Variants in DNM3 observed in about 807,000 individuals in gnomAD.
DNM3 encodes the protein dynamin 3.
A neutral mutation model predicts 101.6 loss-of-function variants in DNM3; 47 were observed. The observed-to-expected ratio is 0.46, with a 90% CI of 0.37 to 0.59. The LOEUF (loss-of-function observed/expected upper bound fraction) is 0.59, where lower values mean the gene tolerates loss of function less well. DNM3 is among the 20% of genes least tolerant of loss of function. DNM3 has a pLI of 0.00. For synonymous variants in DNM3, 385 were observed against 387.9 expected, an observed-to-expected ratio of 0.99 and a Z score of 0.09; for missense variants, 849 against 1,085.7, an observed-to-expected ratio of 0.78 and a Z score of 3.06.
Position 172,052,364 on chromosome 1 carries a change from T to A in DNM3, c.1335+3614T>A, listed in dbSNP as rs573536063. Among the ~76,000 whole-genome samples the A allele has an allele frequency of 8.5e-5, 13 of 152,114 alleles. No individual in the cohort carries two copies. The South Asian group carries it at 1.2e-3, about 15-fold the overall frequency. ...AATCATCATCTTCTCCATCACATTTTAAAAAATCAACATATAAATATATCT... is the reference window on the plus strand; with the variant it reads ...AATCATCATCTTCTCCATCACATTTAAAAAAATCAACATATAAATATATCT... On this transcript the variant is annotated intron_variant, in intron 10 of 20. Transcript: ENST00000627582.
chr1:172,340,297 T>C (rs1470266299), intron 17 of DNM3, among the ~76,000 whole-genome samples: 2 of 152,208 alleles, frequency 1.3e-5, no homozygotes, highest in Non-Finnish European at 2.9e-5. Flanking sequence ...TCCCTTGTAT[T>C]ATAAATGTAG....
chr1:171,863,361 A>C (rs1401307758), intron 1 of DNM3, among the ~76,000 whole-genome samples: 2 of 152,088 alleles, frequency 1.3e-5, no homozygotes, highest in African/African-American at 4.8e-5. Flanking sequence ...GGGAAGCTCC[A>C]GTTTAATGAA....
At chr1:172,199,981 G>T (rs2060094736) in intron 14 of DNM3, among the ~76,000 whole-genome samples, 1 of 151,970 alleles carries the variant, frequency 6.6e-6, no homozygotes, top group African/African-American at 2.4e-5. Flanking sequence ...AGGCTTGTTT[G>T]TGTGGTTGCT....
intron 13 of DNM3, among the ~76,000 whole-genome samples, chr1:172,105,323 T>G (rs2054932940): frequency 6.6e-6 from 1 of 152,226 alleles, no homozygotes; most frequent in Non-Finnish European, 1.5e-5. Context: ...GTAGTTTTCC[T>G]GTTTTATAAA....
intron 2 of DNM3, among the ~76,000 whole-genome samples, chr1:171,922,154 T>TGC (rs1553300972): frequency 3.6e-3 from 246 of 68,804 alleles, no homozygotes; most frequent in African/African-American, 0.014. Flanking sequence ...TGTGTGTGTG[T>TGC]GCGTATGTGT....
chr1:172,127,810 A>G (rs1244580960), intron 13 of DNM3, among the ~76,000 whole-genome samples: 2 of 152,148 alleles, frequency 1.3e-5, no homozygotes, highest in Non-Finnish European at 2.9e-5. Flanking sequence ...CAAAACAGCT[A>G]TCACTACCAT....
At chr1:171,990,398 T>A (rs908095184) in intron 4 of DNM3, among the ~76,000 whole-genome samples, 1 of 152,154 alleles carries the variant, frequency 6.6e-6, no homozygotes, top group African/African-American at 2.4e-5. Context: ...TTAGGAGACT[T>A]CCTCAACTGT....
rs1186130125 is a variant in DNM3 at position 171,871,785 on chromosome 1, A to T, written c.161+29968A>T. 2.6e-5 allele frequency among the ~76,000 whole-genome samples: 4 copies of T among 151,810 alleles called. No homozygotes were observed. The East Asian group carries it at 7.7e-4, about 29-fold the overall frequency. On this transcript the variant is annotated intron_variant, in intron 1 of 20. Coordinates refer to ENST00000627582, the MANE Select transcript of DNM3 (RefSeq NM_015569.5). ...AGATTCTGTGGGTTTAAGAGGTAGT[A>T]AATTATTTCTTTATTGGTTACTATA... is the stretch of plus-strand genomic sequence containing the variant.
chr1:171,968,215 T>G (rs1296160611), intron 2 of DNM3, among the ~76,000 whole-genome samples: 1 of 152,212 alleles, frequency 6.6e-6, no homozygotes, highest in African/African-American at 2.4e-5. Flanking sequence ...TTCTAATCAG[T>G]ATGATTCTGT....
rs7541934 is a variant in DNM3, at chr1:172,322,241, A to G, written c.1882-1088A>G. 9.8e-3 allele frequency among the ~76,000 whole-genome samples: 1,500 copies of G among 152,292 alleles called. 22 individuals are homozygous for G. Among genetic ancestry groups the G allele is most frequent in the African/African-American group, 0.034 (1,418 of 41,556 alleles). On this transcript the variant is annotated intron_variant, in intron 16 of 20. Transcript: ENST00000627582. Reference sequence around the variant, plus strand: ...CAACTTAAAACTAAATGCCAAATCTACAGCCAGACCTGTGACTCCGCCCTG... The same window carrying G: ...CAACTTAAAACTAAATGCCAAATCTGCAGCCAGACCTGTGACTCCGCCCTG...
intron 1 of DNM3, among the ~76,000 whole-genome samples, chr1:171,858,088 A>G (rs376022324): frequency 6.6e-6 from 1 of 152,286 alleles, no homozygotes; most frequent in African/African-American, 2.4e-5. Context: ...TAAGTGACCC[A>G]GCATGTGGTA....
At chr1:172,092,357 G>A (rs895907144) in intron 12 of DNM3, among the ~76,000 whole-genome samples, 1 of 152,176 alleles carries the variant, frequency 6.6e-6, no homozygotes, top group Admixed American at 6.5e-5. Context: ...CTTATTAGCT[G>A]AGTGATTTTG....
chr1:172,206,716 A>G (rs2060335439), intron 14 of DNM3, among the ~76,000 whole-genome samples: 1 of 152,094 alleles, frequency 6.6e-6, no homozygotes, highest in Non-Finnish European at 1.5e-5. Flanking sequence ...TAGTCTTCCT[A>G]TGGGCCTTTT....
chr1:172,146,152 C>A (rs1558639677), intron 14 of DNM3, among the ~76,000 whole-genome samples: 1 of 152,156 alleles, frequency 6.6e-6, no homozygotes, highest in Non-Finnish European at 1.5e-5. Context: ...CAAAGCAATT[C>A]ATTTCCACTG....
intron 14 of DNM3, among the ~76,000 whole-genome samples, chr1:172,191,316 A>G (rs2059714194): frequency 6.6e-6 from 1 of 152,224 alleles, no homozygotes; most frequent in African/African-American, 2.4e-5. Flanking sequence ...GTCAAAGATC[A>G]GATGATTGTA....
intron 4 of DNM3, among the ~76,000 whole-genome samples, chr1:172,025,995 AT>A (rs1185887848): frequency 2.6e-5 from 4 of 152,180 alleles, no homozygotes; most frequent in Non-Finnish European, 4.4e-5. Context: ...AAGGTGGGTA[AT>A]AACAAACTCC....
At chr1:172,062,040 G>T (rs1220207154) in intron 10 of DNM3, among the ~76,000 whole-genome samples, 1 of 152,060 alleles carries the variant, frequency 6.6e-6, no homozygotes, top group Non-Finnish European at 1.5e-5. Flanking sequence ...GGAAATTCAG[G>T]CCTGGGACTT....
intron 14 of DNM3, among the ~76,000 whole-genome samples, chr1:172,162,008 T>A (rs12064457): frequency 0.032 from 4,915 of 152,172 alleles, 286 homozygotes; most frequent in African/African-American, 0.11. Flanking sequence ...TTGGATAAAG[T>A]GTATTTGCCA....
At chr1:172,327,200 G>C (rs1398982769) in intron 17 of DNM3, among the ~76,000 whole-genome samples, 1 of 152,160 alleles carries the variant, frequency 6.6e-6, no homozygotes, top group Non-Finnish European at 1.5e-5. Flanking sequence ...ACTTTGTCTA[G>C]TGATTTCCTA....
Sources: gnomAD v4.1 joint callset for allele counts (sites outside exome capture counted in the v4.1 genomes callset) on GRCh38, gnomAD v4.1.1 for gene constraint, MANE v1.5 for transcripts, NCBI Gene and HGNC (gene_info 2026-07-23, HGNC 2026-07-21) for gene names.